Variants in ZBTB10 observed in about 807,000 individuals in gnomAD.
The protein encoded by ZBTB10 is zinc finger and BTB domain-containing protein 10.
Under a neutral mutation model 76.4 loss-of-function variants are expected in ZBTB10, and 32 were observed. That is an observed-to-expected ratio of 0.42 (90% CI 0.32 to 0.56). The LOEUF is 0.56. ZBTB10 is among the 20% of genes least tolerant of loss of function. ZBTB10 has a pLI of 0.14. For missense variants in ZBTB10, 1,057 were observed against 1,098.5 expected (o/e 0.96, Z 0.53); for synonymous variants, 523 against 432.9 (o/e 1.21, Z -2.58).
chr8:80,494,504 GT>G (rs1379696226), intron 1 of ZBTB10, among the ~76,000 whole-genome samples: 1 of 152,164 alleles, frequency 6.6e-6, no homozygotes, highest in African/African-American at 2.4e-5. Context: ...CTTTACATCT[GT>G]TTTATCATGC....
intron 1 of ZBTB10, among the ~76,000 whole-genome samples, chr8:80,491,319 C>T (rs1458926129): frequency 1.3e-5 from 2 of 152,106 alleles, no homozygotes; most frequent in African/African-American, 4.8e-5. Context: ...GCAATAGGCC[C>T]AACCATATAG....
At chr8:80,507,623 A>G (rs922670637) in intron 2 of ZBTB10, among the ~76,000 whole-genome samples, 22 of 151,818 alleles carry the variant, frequency 1.4e-4, no homozygotes, top group African/African-American at 4.8e-4. Context: ...CAAAAAAAAA[A>G]TCTCCCTCTG....
intron 2 of ZBTB10, among the ~76,000 whole-genome samples, chr8:80,503,894 TAA>T (rs1328371411): frequency 2.6e-5 from 4 of 152,338 alleles, no homozygotes; most frequent in East Asian, 3.9e-4. Flanking sequence ...GTTAGACGTT[TAA>T]AGAGTCCTGT....
intron 2 of ZBTB10, among the ~76,000 whole-genome samples, chr8:80,503,644 G>A (rs763839589): frequency 2.0e-5 from 3 of 152,048 alleles, no homozygotes; most frequent in South Asian, 2.1e-4. Context: ...AGCTTCCCAG[G>A]TAGCTGGGAC....
At chr8:80,488,814 T>C (rs1815551023) in intron 1 of ZBTB10, among the ~76,000 whole-genome samples, 1 of 152,120 alleles carries the variant, frequency 6.6e-6, no homozygotes, top group Admixed American at 6.5e-5. Flanking sequence ...AGCCAGTCGT[T>C]GATTTTATAA....
rs987116331 is a variant in ZBTB10, at chr8:80,486,872, C to T, written c.62C>T (p.Ala21Val). 67 of 1,513,024 alleles carry T rather than the reference C, an allele frequency of 4.4e-5. No homozygotes were observed. Among genetic ancestry groups the T allele is most frequent in the Non-Finnish European group, 5.6e-5 (64 of 1,132,828 alleles). The allele number at this position is 1,513,024 out of a possible 1,614,324, so 93.7% of individuals were successfully genotyped here. A position where few individuals can be genotyped will look rare whatever the true frequency, so the allele number is the denominator to read the frequency against. Reference sequence around the variant, plus strand: ...TTCCGAGGAGGCGGGTTGGTCACCGCTAGCGGCGGCGGCTCCACGAACAAT... The same window carrying T: ...TTCCGAGGAGGCGGGTTGGTCACCGTTAGCGGCGGCGGCTCCACGAACAAT... ...LAFRGGGLVT[A>V]SGGGSTNNNA... Residue 21 changes from alanine (A) to valine (V), a missense_variant, in exon 1 of 6, where the codon GCT becomes GTT. This residue lies in a region of ZBTB10 where 556 missense variants were observed against 451.7 expected (regional missense o/e 1.23). Coordinates refer to ENST00000455036, the MANE Select transcript of ZBTB10 (RefSeq NM_001105539.3).
chr8:80,511,807 A>G (rs1340445997), intron 2 of ZBTB10, among the ~76,000 whole-genome samples: 1 of 152,218 alleles, frequency 6.6e-6, no homozygotes, highest in African/African-American at 2.4e-5. Flanking sequence ...GTTTAGTGAT[A>G]TAAGTTGCAA....
intron 1 of ZBTB10, among the ~76,000 whole-genome samples, chr8:80,495,216 C>T (rs925952613): frequency 2.0e-5 from 3 of 151,306 alleles, no homozygotes; most frequent in East Asian, 1.9e-4. Context: ...GCCATCCTGT[C>T]GCCTTCCAAA....
chr8:80,502,664 G>C (rs1815953865), intron 2 of ZBTB10, among the ~76,000 whole-genome samples: 1 of 151,910 alleles, frequency 6.6e-6, no homozygotes, highest in South Asian at 2.1e-4. Context: ...TCTCAAAAGA[G>C]CATTATGGTT....
In ZBTB10 at chr8:80,486,540, A is replaced by G; in HGVS notation, c.-271A>G. The G allele has an allele frequency of 1.0e-6, 1 of 985,762 alleles. No individual in the cohort carries two copies. Among genetic ancestry groups the G allele is most frequent in the South Asian group, 4.7e-5 (1 of 21,288 alleles). 61.1% of individuals were successfully genotyped at this position (985,762 alleles called of 1,614,324 possible). ...CCGCCCGCCCCCTTCTCCGCGCGGG[A>G]CGCTGCCCGGAGCGCGGCGGGGCGG... On this transcript the variant is annotated 5_prime_UTR_variant, in exon 1 of 6. Coordinates refer to ENST00000455036, the MANE Select transcript of ZBTB10 (RefSeq NM_001105539.3).
At chr8:80,513,542 G>T (rs1481259941) in intron 2 of ZBTB10, among the ~76,000 whole-genome samples, 1 of 152,166 alleles carries the variant, frequency 6.6e-6, no homozygotes, top group African/African-American at 2.4e-5. Context: ...TAGCAGTATT[G>T]TTTGAGCGTC....
chr8:80,510,351 G>A (rs1816157170), intron 2 of ZBTB10, among the ~76,000 whole-genome samples: 1 of 152,162 alleles, frequency 6.6e-6, no homozygotes, highest in African/African-American at 2.4e-5. Context: ...CTGTCAGGAA[G>A]CAATGTAATA....
chr8:80,486,056 C>A, upstream of ZBTB10: 4 of 1,049,970 alleles, frequency 3.8e-6, no homozygotes, highest in Non-Finnish European at 5.2e-6. Context: ...GCCGCACCCC[C>A]GCCCCCAGGC....
intron 2 of ZBTB10, among the ~76,000 whole-genome samples, chr8:80,513,239 T>A (rs1816243874): frequency 6.6e-6 from 1 of 152,152 alleles, no homozygotes; most frequent in Non-Finnish European, 1.5e-5. Flanking sequence ...CCTCCCGGAC[T>A]CAGGCGGATC....
At position 80,487,534 on chromosome 8, in the gene ZBTB10, C is replaced by T; in HGVS notation, c.724C>T (p.Leu242=). The T allele has an allele frequency of 6.3e-7, 1 of 1,585,526 alleles. No homozygotes were observed. Among genetic ancestry groups the T allele is most frequent in the Admixed American group, 1.8e-5 (1 of 54,320 alleles). Reference sequence around the variant, plus strand: ...CTTCCCGCTCGCGCGGCCCAAGTCTCTAATGCAGAAGCTCCAATGCTCCTT... The same window carrying T: ...CTTCCCGCTCGCGCGGCCCAAGTCTTTAATGCAGAAGCTCCAATGCTCCTT... The part of the protein sequence containing the change: ...QHFPLARPKS[L]MQKLQCSFQT... The change falls in exon 1 of 6, where the codon CTA becomes TTA. Residue 242 remains leucine (L), a synonymous_variant. Coordinates refer to ENST00000455036, the MANE Select transcript of ZBTB10 (RefSeq NM_001105539.3).
Position 80,493,575 on chromosome 8 carries a change from G to GGAA in ZBTB10, c.972+5794_972+5795insAAG, listed in dbSNP as rs1243690713. ...CTCAGGCCTGTAATCCCAGCACTTC[G>GGAA]GGAGGCCGAGGGGGATGGATCATCT... On this transcript the variant is annotated intron_variant, in intron 1 of 5. Transcript: ENST00000455036. Among the ~76,000 whole-genome samples the GGAA allele has an allele frequency of 2.6e-5, 4 of 152,076 alleles. No individual in the cohort carries two copies. The East Asian group carries it at 7.8e-4, about 30-fold the overall frequency.
chr8:80,524,684 G>A lies in ZBTB10; in HGVS notation c.*5156G>A, dbSNP rs1330477186. 1 of 152,036 alleles carries A rather than the reference G, an allele frequency of 6.6e-6. No homozygotes were observed. The highest frequency in any genetic ancestry group is 1.5e-5 in the Non-Finnish European group (1 of 67,950). The allele number at this position is 152,036 out of a possible 1,614,324, so 9.4% of individuals were successfully genotyped here. A position where few individuals can be genotyped will look rare whatever the true frequency, so the allele number is the denominator to read the frequency against. On this transcript the variant is annotated 3_prime_UTR_variant, in exon 6 of 6. Coordinates refer to ENST00000455036, the MANE Select transcript of ZBTB10 (RefSeq NM_001105539.3). ...AGCCCACATAGCATTATAATGCCTA[G>A]TATCTTTAAACATGTAAAGAGCTAT...
intron 1 of ZBTB10, among the ~76,000 whole-genome samples, chr8:80,498,154 G>A (rs978634270): frequency 2.6e-5 from 4 of 152,108 alleles, no homozygotes; most frequent in Admixed American, 6.6e-5. Flanking sequence ...GTCATGTTTC[G>A]TGATTGTTTA....
chr8:80,487,572 G>C lies in ZBTB10; in HGVS notation c.762G>C (p.Trp254Cys). 6.2e-7 allele frequency: 1 copy of C among 1,611,752 alleles called. No individual in the cohort carries two copies. The highest frequency in any genetic ancestry group is 1.7e-5 in the Admixed American group (1 of 59,514). Residue 254 changes from tryptophan (W) to cysteine (C), a missense_variant, in exon 1 of 6, where the codon TGG becomes TGC. By Grantham distance (215) the Trp-to-Cys change is radical. Transcript: ENST00000455036. ...TCCAATGCTCCTTCCAGACCTCCTGGCTCAAGGACTTTCCCTGGCTGCGCT... is the reference window on the plus strand; with the variant it reads ...TCCAATGCTCCTTCCAGACCTCCTGCCTCAAGGACTTTCCCTGGCTGCGCT... ...QKLQCSFQTS[W>C]LKDFPWLRYS...
Sources: allele counts gnomAD v4.1 joint callset (sites outside exome capture counted in the v4.1 genomes callset), GRCh38; gene constraint gnomAD v4.1.1; regional missense constraint gnomAD v4.1.1; transcripts MANE v1.5; gene names NCBI Gene and HGNC (gene_info 2026-07-23, HGNC 2026-07-21).